Variants in SLC24A2 observed in about 807,000 individuals in gnomAD.
SLC24A2 encodes sodium/potassium/calcium exchanger 2.
Under a neutral mutation model 62.0 loss-of-function variants are expected in SLC24A2, and 36 were observed. The ratio of observed to expected loss-of-function variants is 0.58; its 90% CI spans 0.44 to 0.77. SLC24A2 has a LOEUF of 0.77. SLC24A2 is among the 30% of genes least tolerant of loss of function. SLC24A2 has a pLI of 0.00. For synonymous variants in SLC24A2, 358 were observed against 294.0 expected, an observed-to-expected ratio of 1.22 and a Z score of -2.23; for missense variants, 846 against 817.9, an observed-to-expected ratio of 1.03 and a Z score of -0.42.
the SLC24A2 span, among the ~76,000 whole-genome samples, chr9:20,202,540 G>C: frequency 6.6e-6 from 1 of 152,112 alleles, no homozygotes; most frequent in Non-Finnish European, 1.5e-5. Flanking sequence ...GATAGTTGTG[G>C]GTTTCAGGGA....
At chr9:19,867,574 T>C in the SLC24A2 span, among the ~76,000 whole-genome samples, 1 of 152,184 alleles carries the variant, frequency 6.6e-6, no homozygotes, top group Non-Finnish European at 1.5e-5. Context: ...CCTCTTATCT[T>C]GGTCAGTCTA....
the SLC24A2 span, among the ~76,000 whole-genome samples, chr9:19,834,439 AG>A: frequency 6.6e-6 from 1 of 152,070 alleles, no homozygotes; most frequent in Non-Finnish European, 1.5e-5. Flanking sequence ...CACAAGCCTC[AG>A]TAACCGATGC....
chr9:19,876,229 A>G, the SLC24A2 span, among the ~76,000 whole-genome samples: 1 of 152,236 alleles, frequency 6.6e-6, no homozygotes, highest in Non-Finnish European at 1.5e-5. Context: ...CATGTTCAAT[A>G]GGTAATAATA....
At chr9:19,745,219 G>A (rs1259697069) in intron 2 of SLC24A2, among the ~76,000 whole-genome samples, 2 of 152,136 alleles carry the variant, frequency 1.3e-5, no homozygotes, top group African/African-American at 4.8e-5. Context: ...AGATTCCTGA[G>A]GCCCTTCCCA....
the SLC24A2 span, among the ~76,000 whole-genome samples, chr9:19,830,902 G>T: frequency 0.69 from 104,999 of 152,038 alleles, 40,845 homozygotes; most frequent in Non-Finnish European, 0.88. Flanking sequence ...CTGGGGGCTG[G>T]AAAGTTCCAG....
At chr9:19,992,231 G>A in the SLC24A2 span, among the ~76,000 whole-genome samples, 1 of 152,172 alleles carries the variant, frequency 6.6e-6, no homozygotes, top group South Asian at 2.1e-4. Context: ...TGTCCAATAG[G>A]CTTGGTCATA....
At chr9:20,183,838 G>C in the SLC24A2 span, among the ~76,000 whole-genome samples, 1 of 152,116 alleles carries the variant, frequency 6.6e-6, no homozygotes, top group Non-Finnish European at 1.5e-5. Flanking sequence ...GAAGAGTGTA[G>C]ATCAATGGTT....
the SLC24A2 span, among the ~76,000 whole-genome samples, chr9:20,043,065 T>G: frequency 2.7e-3 from 417 of 152,112 alleles, 3 homozygotes; most frequent in Non-Finnish European, 2.7e-3. Context: ...GGTGTTCAGG[T>G]GAAAGAAAGA....
intron 2 of SLC24A2, among the ~76,000 whole-genome samples, chr9:19,719,616 C>G (rs1239930731): frequency 6.6e-6 from 1 of 152,128 alleles, no homozygotes; most frequent in Non-Finnish European, 1.5e-5. Context: ...AGGAACCAGC[C>G]TGGGTTGCAC....
At chr9:20,086,396 G>A in the SLC24A2 span, among the ~76,000 whole-genome samples, 1 of 152,060 alleles carries the variant, frequency 6.6e-6, no homozygotes, top group Non-Finnish European at 1.5e-5. Context: ...CTCACCTTGA[G>A]CCCCCAGCCT....
intron 2 of SLC24A2, among the ~76,000 whole-genome samples, chr9:19,722,080 C>G (rs1229600607): frequency 2.0e-5 from 3 of 152,116 alleles, no homozygotes; most frequent in Non-Finnish European, 4.4e-5. Context: ...CTGTCAGATG[C>G]TATTATAGTT....
chr9:20,143,361 C>G, the SLC24A2 span, among the ~76,000 whole-genome samples: 1 of 152,070 alleles, frequency 6.6e-6, no homozygotes, highest in East Asian at 1.9e-4. Context: ...AACAAAGAAA[C>G]AAAAAGTAAT....
In SLC24A2 at chr9:19,619,684, C is replaced by G; in HGVS notation, c.978G>C (p.Pro326=). The G allele has an allele frequency of 6.2e-7, 1 of 1,613,400 alleles. No homozygotes were observed. ...DKDEPTLPAK[P]RLQRGGSSAS... ...CAGAGCTTCCACCTCGCTGGAGACG[C>G]GGCTTAGCCTGAGCAGAGAAACCAA... Residue 326 remains proline, a synonymous_variant, in exon 4 of 11, where the codon CCG becomes CCC. Transcript: ENST00000341998.
intron 3 of SLC24A2, among the ~76,000 whole-genome samples, chr9:19,620,372 G>C (rs1817879340): frequency 6.6e-6 from 1 of 152,134 alleles, no homozygotes; most frequent in African/African-American, 2.4e-5. Flanking sequence ...TCTACCCTGG[G>C]ACTACAGCTC....
At chr9:19,655,739 T>C (rs756736756) in intron 2 of SLC24A2, among the ~76,000 whole-genome samples, 2 of 152,066 alleles carry the variant, frequency 1.3e-5, no homozygotes, top group Non-Finnish European at 2.9e-5. Context: ...AGAAGGCTGG[T>C]GGATAATGGG....
the SLC24A2 span, among the ~76,000 whole-genome samples, chr9:19,948,750 C>T: frequency 2.7e-5 from 4 of 145,588 alleles, no homozygotes; most frequent in African/African-American, 1.0e-4. Context: ...GAGGCTGAGG[C>T]AGGAGAATGG....
chr9:20,283,599 AG>A, the SLC24A2 span, among the ~76,000 whole-genome samples: 2 of 152,136 alleles, frequency 1.3e-5, no homozygotes, highest in Admixed American at 1.3e-4. Context: ...AATTCAACTG[AG>A]GGGCATAAAG....
chr9:19,789,217 C>T (rs1345355246), upstream of SLC24A2, among the ~76,000 whole-genome samples: 2 of 152,240 alleles, frequency 1.3e-5, no homozygotes, highest in African/African-American at 4.8e-5. Context: ...GAGATTTCTC[C>T]GCAGTGTGGA....
intron 7 of SLC24A2, among the ~76,000 whole-genome samples, chr9:19,554,664 C>G (rs1834994925): frequency 6.6e-6 from 1 of 152,194 alleles, no homozygotes; most frequent in Non-Finnish European, 1.5e-5. Context: ...GTCCTTCATA[C>G]AACTTCCTGG....
Sources: gnomAD v4.1 joint callset for allele counts (sites outside exome capture counted in the v4.1 genomes callset) on GRCh38, gnomAD v4.1.1 for gene constraint, MANE v1.5 for transcripts, NCBI Gene and HGNC (gene_info 2026-07-23, HGNC 2026-07-21) for gene names.